The following OSBPL8 variants were observed in gnomAD, a reference collection of about 807,000 sequenced individuals.
The protein encoded by OSBPL8 is oxysterol binding protein like 8, also known as oxysterol-binding protein-related protein 8.
A neutral mutation model predicts 125.5 loss-of-function variants in OSBPL8; 59 were observed. The observed-to-expected ratio is 0.47, with a 90% CI of 0.38 to 0.58. OSBPL8 has a LOEUF of 0.58. Among genes scored for constraint, OSBPL8 ranks in the 20% least tolerant of loss-of-function variants. The pLI, the probability that OSBPL8 is intolerant of heterozygous loss-of-function variation, is 0.00. For missense variants in OSBPL8, 758 were observed against 1,047.8 expected (o/e 0.72, Z 3.82); for synonymous variants, 330 against 338.9 (o/e 0.97, Z 0.29).
In OSBPL8 at chr12:76,402,781, A is replaced by C. The variant is rs1457922176; in HGVS notation, c.289-15T>G. On this transcript the variant is annotated splice_polypyrimidine_tract_variant and intron_variant, in intron 5 of 23. Coordinates refer to ENST00000261183, the MANE Select transcript of OSBPL8 (RefSeq NM_020841.5). ...TTAGATTCAGACTGAAATCATACAGAAACAAGAGAAATTAAATCCTTCAGA... is the reference window on the plus strand; with the variant it reads ...TTAGATTCAGACTGAAATCATACAGCAACAAGAGAAATTAAATCCTTCAGA... The C allele has an allele frequency of 6.6e-7, 1 of 1,511,370 alleles. No homozygotes were observed. The highest frequency in any genetic ancestry group is 9.1e-7 in the Non-Finnish European group (1 of 1,096,630). The allele number at this position is 1,511,370 out of a possible 1,614,324, so 93.6% of individuals were successfully genotyped here. A position where few individuals can be genotyped will look rare whatever the true frequency, so the allele number is the denominator to read the frequency against.
intron 1 of OSBPL8, among the ~76,000 whole-genome samples, chr12:76,527,863 T>C (rs1434012343): frequency 6.6e-6 from 1 of 152,182 alleles, no homozygotes; most frequent in Non-Finnish European, 1.5e-5. Context: ...TAGATAAACA[T>C]TCTTGAAAAG....
intron 2 of OSBPL8, among the ~76,000 whole-genome samples, chr12:76,466,023 C>A (rs1222950056): frequency 1.3e-5 from 2 of 151,758 alleles, no homozygotes; most frequent in East Asian, 1.9e-4. Flanking sequence ...AAAAAAAGTT[C>A]ATTTTTCCAC....
At chr12:76,524,686 T>C (rs1187923291) in intron 1 of OSBPL8, among the ~76,000 whole-genome samples, 1 of 143,416 alleles carries the variant, frequency 7.0e-6, no homozygotes, top group African/African-American at 2.7e-5. Context: ...TCTAATTACT[T>C]TTTTTTTTTT....
intron 4 of OSBPL8, among the ~76,000 whole-genome samples, chr12:76,428,981 G>A (rs1000942199): frequency 2.0e-5 from 3 of 152,066 alleles, no homozygotes; most frequent in African/African-American, 7.2e-5. Flanking sequence ...TCCTCTAATA[G>A]AGCAAAGTAG....
At chr12:76,530,131 A>G (rs902326220) in intron 1 of OSBPL8, among the ~76,000 whole-genome samples, 2 of 151,722 alleles carry the variant, frequency 1.3e-5, no homozygotes, top group Non-Finnish European at 2.9e-5. Flanking sequence ...ATAGTTCACT[A>G]TAATCTCAAA....
chr12:76,365,867 C>A (rs1328700294), intron 21 of OSBPL8, among the ~76,000 whole-genome samples: 1 of 151,972 alleles, frequency 6.6e-6, no homozygotes, highest in Non-Finnish European at 1.5e-5. Context: ...TGTGATTTTC[C>A]CCCCTCTTAA....
chr12:76,449,044 T>C (rs1873064400), intron 4 of OSBPL8, among the ~76,000 whole-genome samples: 3 of 152,076 alleles, frequency 2.0e-5, no homozygotes, highest in Non-Finnish European at 4.4e-5. Flanking sequence ...AAAATGATCA[T>C]GTAACTTACT....
At chr12:76,497,029 T>A (rs1181407323) in intron 1 of OSBPL8, among the ~76,000 whole-genome samples, 1 of 152,172 alleles carries the variant, frequency 6.6e-6, no homozygotes, top group Non-Finnish European at 1.5e-5. Context: ...TTAATACCCT[T>A]AAGTGTTTGT....
intron 1 of OSBPL8, among the ~76,000 whole-genome samples, chr12:76,507,006 G>A (rs61925526): frequency 0.22 from 32,860 of 151,674 alleles, 4,001 homozygotes; most frequent in Non-Finnish European, 0.26. Context: ...TAAAAGTTAA[G>A]TAACTTTTTT....
chr12:76,486,432 G>A lies in OSBPL8; in HGVS notation c.42+1078C>T, dbSNP rs140928882. 5.5e-4 allele frequency among the ~76,000 whole-genome samples: 84 copies of A among 152,286 alleles called. No individual in the cohort carries two copies. The East Asian group carries it at 0.015, about 27-fold the overall frequency. On this transcript the variant is annotated intron_variant, in intron 2 of 23. Transcript: ENST00000261183. ...CTAACTAATGATAAAGCTACCAGCT[G>A]ACTACATTTTACTGAAGGGGGCACC...
chr12:76,510,152 G>A (rs1335318480), intron 1 of OSBPL8, among the ~76,000 whole-genome samples: 3 of 152,140 alleles, frequency 2.0e-5, no homozygotes, highest in African/African-American at 7.2e-5. Flanking sequence ...TGAACTAGAA[G>A]GGTGTCCAAA....
At chr12:76,519,188 A>G (rs1290430521) in intron 1 of OSBPL8, among the ~76,000 whole-genome samples, 5 of 152,172 alleles carry the variant, frequency 3.3e-5, no homozygotes, top group Non-Finnish European at 7.3e-5. Context: ...AATGCTTAGA[A>G]ATGTCTTCCA....
At chr12:76,485,258 T>C (rs1878004883) in intron 2 of OSBPL8, among the ~76,000 whole-genome samples, 1 of 151,422 alleles carries the variant, frequency 6.6e-6, no homozygotes, top group South Asian at 2.1e-4. Context: ...AACTTCTCAA[T>C]ATCAACAAAA....
intron 21 of OSBPL8, among the ~76,000 whole-genome samples, chr12:76,368,593 T>C (rs1254290453): frequency 6.6e-6 from 1 of 152,172 alleles, no homozygotes; most frequent in African/African-American, 2.4e-5. Context: ...TTCATTTTTC[T>C]TTCTCCTCCT....
In OSBPL8 at chr12:76,369,642, A is replaced by C. The variant is rs1336391010; in HGVS notation, c.2235T>G (p.Phe745Leu). The C allele has an allele frequency of 3.7e-6, 6 of 1,612,364 alleles. No individual in the cohort carries two copies. The highest frequency in any genetic ancestry group is 1.7e-5 in the Admixed American group (1 of 59,890). ...DPLTGEWHYK[F>L]ADTRPWDPLN... ...AACTATTTTAAGTTACTTACTCTGC[A>C]AACTTGTAATGCCATTCTCCTGTGA... Residue 745 changes from phenylalanine to leucine, a missense_variant, in exon 20 of 24, where the codon TTT becomes TTG. Around this residue, in one of 3 missense-constraint regions of OSBPL8, gnomAD observed 572 missense variants for 762.0 expected, o/e 0.75. Coordinates refer to ENST00000261183, the MANE Select transcript of OSBPL8 (RefSeq NM_020841.5).
rs746029341 is a variant in OSBPL8, at chr12:76,369,649, T to C, written c.2228A>G (p.Tyr743Cys). 1.2e-6 allele frequency: 2 copies of C among 1,613,250 alleles called. No homozygotes were observed. The highest frequency in any genetic ancestry group is 1.1e-5 in the South Asian group (1 of 91,030). ...TTAAGTTACTTACTCTGCAAACTTGTAATGCCATTCTCCTGTGAGTGGATC... is the reference window on the plus strand; with the variant it reads ...TTAAGTTACTTACTCTGCAAACTTGCAATGCCATTCTCCTGTGAGTGGATC... ...ELDPLTGEWH[Y>C]KFADTRPWDP... The change falls in exon 20 of 24, where the codon TAC becomes TGC. Residue 743 changes from tyrosine (Y) to cysteine (C), a missense_variant. Tyr to Cys is a radical substitution (Grantham distance 194). Transcript: ENST00000261183.
At chr12:76,456,914 T>C (rs548753730) in intron 3 of OSBPL8, among the ~76,000 whole-genome samples, 1 of 152,286 alleles carries the variant, frequency 6.6e-6, no homozygotes, top group South Asian at 2.1e-4. Flanking sequence ...CAGACCTCAA[T>C]CTAGAGCTAA....
At chr12:76,466,516 G>A (rs1382666250) in intron 2 of OSBPL8, among the ~76,000 whole-genome samples, 1 of 152,162 alleles carries the variant, frequency 6.6e-6, no homozygotes, top group Non-Finnish European at 1.5e-5. Flanking sequence ...TTTCTTGGGA[G>A]TGATTTAATC....
Position 76,354,732 on chromosome 12 carries a change from G to C in OSBPL8, c.*1157C>G, listed in dbSNP as rs1036411271. 6.6e-6 allele frequency: 1 copy of C among 151,940 alleles called. No individual in the cohort carries two copies. Among genetic ancestry groups the C allele is most frequent in the Admixed American group, 6.6e-5 (1 of 15,260 alleles). The allele number at this position is 151,940 out of a possible 1,614,324, so 9.4% of individuals were successfully genotyped here. The stretch of plus-strand genomic sequence containing the variant: ...TAGCCTGAACAATAGGAATCTTAAA[G>C]AATTGTGGTTTTGCCACAGAAAGAA... On this transcript the variant is annotated 3_prime_UTR_variant, in exon 24 of 24. Transcript: ENST00000261183.
Sources: allele counts gnomAD v4.1 joint callset (sites outside exome capture counted in the v4.1 genomes callset), GRCh38; gene constraint gnomAD v4.1.1; regional missense constraint gnomAD v4.1.1; transcripts MANE v1.5; gene names NCBI Gene and HGNC (gene_info 2026-07-23, HGNC 2026-07-21).